Variants in SLC4A5 observed in about 807,000 individuals in gnomAD.
SLC4A5 encodes electrogenic sodium bicarbonate cotransporter 4.
In SLC4A5, 96 loss-of-function variants were observed where a neutral mutation model predicts 120.4. The ratio of observed to expected loss-of-function variants is 0.80; its 90% CI spans 0.68 to 0.94. SLC4A5 has a LOEUF of 0.94. Among genes scored for constraint, SLC4A5 ranks in the 40% least tolerant of loss-of-function variants. The pLI is 0.00. For missense variants in SLC4A5, 1,259 were observed against 1,459.5 expected, an observed-to-expected ratio of 0.86 and a Z score of 2.24; for synonymous variants, 550 against 571.1, an observed-to-expected ratio of 0.96 and a Z score of 0.53.
At chr2:74,287,497 T>C (rs987855085) in intron 7 of SLC4A5, among the ~76,000 whole-genome samples, 1 of 152,152 alleles carries the variant, frequency 6.6e-6, no homozygotes, top group Non-Finnish European at 1.5e-5. Flanking sequence ...ACACAGGGCT[T>C]GGAAGGTAAC....
intron 6 of SLC4A5, among the ~76,000 whole-genome samples, chr2:74,305,764 G>A (rs1164974482): frequency 4.3e-5 from 5 of 116,992 alleles, no homozygotes; most frequent in Admixed American, 1.2e-4. Context: ...TTGCCCTGTC[G>A]CCCAGGCTGG....
chr2:74,295,434 G>C (rs1028401264), intron 7 of SLC4A5, among the ~76,000 whole-genome samples: 1 of 152,096 alleles, frequency 6.6e-6, no homozygotes, highest in African/African-American at 2.4e-5. Context: ...AGGAGTTCAA[G>C]ACCAGCCTGG....
At chr2:74,278,953 T>G (rs1016811797) in intron 8 of SLC4A5, among the ~76,000 whole-genome samples, 8 of 152,166 alleles carry the variant, frequency 5.3e-5, no homozygotes, top group Non-Finnish European at 1.2e-4. Context: ...CCCACCTGTC[T>G]CCTCAAACCA....
At chr2:74,297,055 G>A (rs1672352077) in intron 7 of SLC4A5, among the ~76,000 whole-genome samples, 1 of 152,008 alleles carries the variant, frequency 6.6e-6, no homozygotes, top group African/African-American at 2.4e-5. Context: ...ATCTTTTGGT[G>A]ATCCCAGCGC....
chr2:74,318,472 G>A (rs1211212885), intron 5 of SLC4A5, among the ~76,000 whole-genome samples: 1 of 152,166 alleles, frequency 6.6e-6, no homozygotes, highest in Non-Finnish European at 1.5e-5. Context: ...GATGGCCTGA[G>A]GTCAGGAGTT....
intron 5 of SLC4A5, among the ~76,000 whole-genome samples, chr2:74,319,981 T>A (rs190466762): frequency 5.3e-5 from 8 of 152,258 alleles, no homozygotes; most frequent in Admixed American, 2.0e-4. Context: ...GCTATAAACC[T>A]ATGAACCTAT....
At chr2:74,325,282 G>A (rs1673192186) in intron 5 of SLC4A5, among the ~76,000 whole-genome samples, 1 of 152,188 alleles carries the variant, frequency 6.6e-6, no homozygotes, top group African/African-American at 2.4e-5. Context: ...AAACACAGAT[G>A]AGAACTCTAC....
intron 22 of SLC4A5, 51 bp downstream of exon 22, chr2:74,235,050 C>A: frequency 7.1e-7 from 1 of 1,408,882 alleles, no homozygotes. Context: ...AAAGAATCTG[C>A]AGCTGGTAGG....
At chr2:74,287,613 T>C (rs1244025745) in intron 7 of SLC4A5, among the ~76,000 whole-genome samples, 1 of 152,156 alleles carries the variant, frequency 6.6e-6, no homozygotes, top group Non-Finnish European at 1.5e-5. Context: ...CATGCATCCT[T>C]GTCAGCGCCC....
At chr2:74,267,016 G>A (rs1392533779) in intron 8 of SLC4A5, among the ~76,000 whole-genome samples, 5 of 152,144 alleles carry the variant, frequency 3.3e-5, no homozygotes, top group Non-Finnish European at 5.9e-5. Flanking sequence ...CCAATAGAAA[G>A]TAAACAATCC....
chr2:74,230,386 A>AC (rs1162569325), intron 25 of SLC4A5, among the ~76,000 whole-genome samples: 2 of 152,056 alleles, frequency 1.3e-5, no homozygotes, highest in African/African-American at 4.8e-5. Flanking sequence ...TACTTGACTT[A>AC]GTCTCTTAGC....
intron 11 of SLC4A5, among the ~76,000 whole-genome samples, chr2:74,260,462 G>T (rs1285918429): frequency 6.6e-6 from 1 of 152,150 alleles, no homozygotes; most frequent in African/African-American, 2.4e-5. Flanking sequence ...AGGATGCCCA[G>T]GATGGATCTT....
At chr2:74,229,104 C>CTTTTTTTTTTT (rs55689286) in intron 25 of SLC4A5, among the ~76,000 whole-genome samples, 6,365 of 98,576 alleles carry the variant, frequency 0.065, 967 homozygotes, top group African/African-American at 0.18. Flanking sequence ...TAGATTTGAG[C>CTTTTTTTTTTT]TTTTTTTTTT....
intron 7 of SLC4A5, among the ~76,000 whole-genome samples, chr2:74,289,263 C>G (rs72903227): frequency 0.031 from 4,776 of 152,250 alleles, 262 homozygotes; most frequent in African/African-American, 0.11. Flanking sequence ...ACACTATTAT[C>G]TACAGAACTC....
chr2:74,319,656 A>C (rs993629243), intron 5 of SLC4A5, among the ~76,000 whole-genome samples: 12 of 152,000 alleles, frequency 7.9e-5, no homozygotes, highest in African/African-American at 2.9e-4. Context: ...AATATAGTGC[A>C]TTCTCTCTCT....
intron 8 of SLC4A5, among the ~76,000 whole-genome samples, chr2:74,275,643 CTCTT>C (rs1671615158): frequency 1.3e-5 from 2 of 152,240 alleles, no homozygotes; most frequent in African/African-American, 4.8e-5. Flanking sequence ...GAGGAGACCT[CTCTT>C]TCCTCTAACT....
At chr2:74,342,816 C>T (rs1673655855) in intron 1 of SLC4A5, among the ~76,000 whole-genome samples, 1 of 152,112 alleles carries the variant, frequency 6.6e-6, no homozygotes, top group South Asian at 2.1e-4. Flanking sequence ...GGCCAGAAAG[C>T]TTAGTTGAAG....
chr2:74,231,374 G>A, intron 24 of SLC4A5, 66 bp from the exon 25 acceptor site: 2 of 1,454,018 alleles, frequency 1.4e-6, no homozygotes, highest in South Asian at 1.3e-5. Flanking sequence ...TGGCCCTCCT[G>A]CCCCTCTGTG....
intron 8 of SLC4A5, among the ~76,000 whole-genome samples, chr2:74,281,733 C>T (rs969424995): frequency 2.2e-4 from 33 of 152,282 alleles, no homozygotes; most frequent in African/African-American, 7.5e-4. Flanking sequence ...TAATAACTCC[C>T]GACAAAGCAC....
Sources: gnomAD v4.1 joint callset for allele counts (sites outside exome capture counted in the v4.1 genomes callset) on GRCh38, gnomAD v4.1.1 for gene constraint, MANE v1.5 for transcripts, NCBI Gene and HGNC (gene_info 2026-07-23, HGNC 2026-07-21) for gene names.